ANO4: variants seen among roughly 807,000 people sequenced by gnomAD.
ANO4 encodes anoctamin-4.
A neutral mutation model predicts 141.9 loss-of-function variants in ANO4; 69 were observed. The ratio of observed to expected loss-of-function variants is 0.49; its 90% CI spans 0.40 to 0.59. The LOEUF (loss-of-function observed/expected upper bound fraction) is 0.59, where lower values mean the gene tolerates loss of function less well. Ranked by LOEUF, ANO4 falls within the 20% of genes least tolerant of loss-of-function variation. The pLI, the probability that ANO4 is intolerant of heterozygous loss-of-function variation, is 0.00. For missense variants in ANO4, 894 were observed against 1,162.2 expected (o/e 0.77, Z 3.36); for synonymous variants, 350 against 394.3 (o/e 0.89, Z 1.33).
chr12:100,916,602 T>G (rs912665962), intron 2 of ANO4, among the ~76,000 whole-genome samples: 2 of 152,186 alleles, frequency 1.3e-5, no homozygotes, highest in African/African-American at 2.4e-5. Flanking sequence ...AACTTAAACA[T>G]TTTCTTTGTC....
At chr12:101,103,016 CTAA>C (rs2050251310) in intron 22 of ANO4, among the ~76,000 whole-genome samples, 1 of 151,016 alleles carries the variant, frequency 6.6e-6, no homozygotes, top group Non-Finnish European at 1.5e-5. Context: ...TGTTTTGTTA[CTAA>C]TAATATACAG....
chr12:100,761,895 C>T (rs1218039813), intron 3 of ANO4, among the ~76,000 whole-genome samples: 2 of 152,182 alleles, frequency 1.3e-5, no homozygotes, highest in Non-Finnish European at 2.9e-5. Context: ...CCCCACCCAC[C>T]TGTACCCATG....
At chr12:100,907,672 C>T (rs2040908756) in intron 2 of ANO4, among the ~76,000 whole-genome samples, 1 of 152,216 alleles carries the variant, frequency 6.6e-6, no homozygotes, top group African/African-American at 2.4e-5. Context: ...TGGCGTAAAT[C>T]TTAACTCTTC....
chr12:100,969,736 A>T (rs1311153788), intron 5 of ANO4, among the ~76,000 whole-genome samples: 1 of 152,250 alleles, frequency 6.6e-6, no homozygotes, highest in African/African-American at 2.4e-5. Flanking sequence ...GTATAAGGAA[A>T]GTCTAGCCAC....
At chr12:100,790,326 T>C (rs761408631), upstream of ANO4, among the ~76,000 whole-genome samples, 3 of 152,214 alleles carry the variant, frequency 2.0e-5, no homozygotes, top group Non-Finnish European at 2.9e-5. Flanking sequence ...ATGATTATAT[T>C]TGTTGTATTT....
At chr12:100,758,888 A>G (rs1247308092) in intron 3 of ANO4, among the ~76,000 whole-genome samples, 1 of 152,152 alleles carries the variant, frequency 6.6e-6, no homozygotes, top group Non-Finnish European at 1.5e-5. Flanking sequence ...CTCTGTCTAC[A>G]CATGGCCTTC....
At chr12:100,991,534 A>G (rs2673664) in intron 8 of ANO4, among the ~76,000 whole-genome samples, 1 of 148,568 alleles carries the variant, frequency 6.7e-6, no homozygotes, top group Non-Finnish European at 1.5e-5. Flanking sequence ...AAAAAAAAAA[A>G]GAGAAAAACA....
intron 1 of ANO4, among the ~76,000 whole-genome samples, chr12:100,862,255 A>G (rs953589354): frequency 6.6e-6 from 1 of 152,138 alleles, no homozygotes; most frequent in Non-Finnish European, 1.5e-5. Flanking sequence ...TAGAAGGAGT[A>G]TACTCTAAAA....
chr12:100,791,427 A>C (rs1565877530), upstream of ANO4, among the ~76,000 whole-genome samples: 1 of 152,152 alleles, frequency 6.6e-6, no homozygotes, highest in Admixed American at 6.5e-5. Flanking sequence ...CAACAACAAC[A>C]ACAAAAATGG....
At chr12:101,050,098 G>T (rs1157854364) in intron 14 of ANO4, among the ~76,000 whole-genome samples, 3 of 152,162 alleles carry the variant, frequency 2.0e-5, no homozygotes, top group African/African-American at 7.2e-5. Flanking sequence ...TTAGGAGGCT[G>T]AAGTTATGAG....
rs1016405778 is a variant in ANO4, at chr12:100,838,107, G to T, written c.-141+43080G>T. On this transcript the variant is annotated intron_variant, in intron 1 of 27. Coordinates refer to ENST00000392977, the MANE Select transcript of ANO4 (RefSeq NM_001286615.2). Reference sequence around the variant, plus strand: ...TGAGTATGAATTTAAGATGCACATGGCTGAGGCTGGTGGTGGTGAAGGTGC... The same window carrying T: ...TGAGTATGAATTTAAGATGCACATGTCTGAGGCTGGTGGTGGTGAAGGTGC... Among the ~76,000 whole-genome samples the T allele has an allele frequency of 2.6e-5, 4 of 151,900 alleles. No homozygotes were observed. In the East Asian group the frequency reaches 7.7e-4, roughly 29 times the overall value.
intron 9 of ANO4, among the ~76,000 whole-genome samples, chr12:101,028,804 A>G (rs1018193523): frequency 1.2e-4 from 18 of 152,200 alleles, no homozygotes; most frequent in Admixed American, 1.1e-3. Context: ...AGACAGGCCA[A>G]TATGCAAATT....
chr12:101,079,310 C>T, intron 15 of ANO4, 35 bp downstream of exon 15: 1 of 1,553,430 alleles, frequency 6.4e-7, no homozygotes, highest in Non-Finnish European at 8.8e-7. Flanking sequence ...TTGTAAAAAG[C>T]AAATCACCCA....
At chr12:100,843,171 T>C (rs1377003109) in intron 1 of ANO4, among the ~76,000 whole-genome samples, 6 of 152,196 alleles carry the variant, frequency 3.9e-5, no homozygotes, top group Non-Finnish European at 5.9e-5. Context: ...CAAATTGTTA[T>C]GAAGACTGAA....
At chr12:100,914,814 C>CT (rs1188512419) in intron 2 of ANO4, among the ~76,000 whole-genome samples, 1 of 151,934 alleles carries the variant, frequency 6.6e-6, no homozygotes, top group Non-Finnish European at 1.5e-5. Flanking sequence ...TCCCTCCCTT[C>CT]TTTTTTATTT....
At chr12:100,791,310 T>C (rs1003481984), upstream of ANO4, among the ~76,000 whole-genome samples, 1 of 152,074 alleles carries the variant, frequency 6.6e-6, no homozygotes, top group African/African-American at 2.4e-5. Flanking sequence ...CTTGGGAGGC[T>C]GAGGCAGGAG....
chr12:100,767,771 C>G (rs1352590326), intron 3 of ANO4, among the ~76,000 whole-genome samples: 1 of 152,184 alleles, frequency 6.6e-6, no homozygotes, highest in African/African-American at 2.4e-5. Flanking sequence ...GAAAGCAAAA[C>G]CATGGAGAAG....
intron 5 of ANO4, among the ~76,000 whole-genome samples, chr12:100,960,260 G>GCA (rs56705970): frequency 0.023 from 3,374 of 149,946 alleles, 104 homozygotes; most frequent in African/African-American, 0.075. Flanking sequence ...TCACACACAC[G>GCA]CACACACACA....
intron 3 of ANO4, among the ~76,000 whole-genome samples, chr12:100,750,928 G>A (rs926539432): frequency 1.3e-5 from 2 of 152,094 alleles, no homozygotes; most frequent in Non-Finnish European, 2.9e-5. Context: ...GTTGGGATCC[G>A]TATGTATGGT....
Sources: gnomAD v4.1 joint callset for allele counts (sites outside exome capture counted in the v4.1 genomes callset) on GRCh38, gnomAD v4.1.1 for gene constraint, MANE v1.5 for transcripts, NCBI Gene and HGNC (gene_info 2026-07-23, HGNC 2026-07-21) for gene names.